Variants in SKA2 observed in about 807,000 individuals in gnomAD.
SKA2 encodes the protein spindle and kinetochore associated complex subunit 2.
In SKA2, 13 loss-of-function variants were observed where a neutral mutation model predicts 16.9. That is an observed-to-expected ratio of 0.77 (90% confidence interval 0.50 to 1.22). The LOEUF (loss-of-function observed/expected upper bound fraction) is 1.22. SKA2 is among the 50% of genes most tolerant of loss of function. The pLI is 0.00. For synonymous variants in SKA2, 47 were observed against 48.5 expected (o/e 0.97, Z 0.13); for missense variants, 107 against 139.7 (o/e 0.77, Z 1.18).
chr17:59,142,287 G>C (rs2046496274), intron 1 of SKA2, among the ~76,000 whole-genome samples: 1 of 149,742 alleles, frequency 6.7e-6, no homozygotes, highest in East Asian at 2.0e-4. Flanking sequence ...TTTATATATG[G>C]TGGGTTTTTT....
At chr17:59,123,739 T>C (rs1026779618) in intron 2 of SKA2, among the ~76,000 whole-genome samples, 2 of 152,114 alleles carry the variant, frequency 1.3e-5, no homozygotes, top group Admixed American at 6.6e-5. Flanking sequence ...TTATTAATGA[T>C]AACAGCTAAT....
At chr17:59,124,610 G>T (rs1380407379) in intron 2 of SKA2, among the ~76,000 whole-genome samples, 1 of 152,130 alleles carries the variant, frequency 6.6e-6, no homozygotes, top group Non-Finnish European at 1.5e-5. Context: ...TCAGGAGAAT[G>T]ATGAGTTCCC....
At chr17:59,125,479 T>A (rs1266762201) in intron 2 of SKA2, among the ~76,000 whole-genome samples, 1 of 150,050 alleles carries the variant, frequency 6.7e-6, no homozygotes, top group Non-Finnish European at 1.5e-5. Context: ...GACTGGTGGA[T>A]CACCTGAGGT....
chr17:59,133,360 C>T (rs9911583), intron 1 of SKA2, among the ~76,000 whole-genome samples: 64,791 of 151,980 alleles, frequency 0.43, 16,069 homozygotes, highest in African/African-American at 0.7. Context: ...TATATTGCCT[C>T]GAGTTTATCA....
intron 2 of SKA2, among the ~76,000 whole-genome samples, chr17:59,128,671 G>C (rs2046388163): frequency 6.6e-6 from 1 of 151,496 alleles, no homozygotes; most frequent in African/African-American, 2.4e-5. Flanking sequence ...AGTTAGACAT[G>C]AAAGGTCATA....
intron 2 of SKA2, among the ~76,000 whole-genome samples, chr17:59,121,107 G>A (rs1355399629): frequency 1.7e-4 from 25 of 149,356 alleles, no homozygotes; most frequent in Admixed American, 1.5e-3. Flanking sequence ...AGCCGAGATC[G>A]TGCCACTGCA....
intron 2 of SKA2, among the ~76,000 whole-genome samples, chr17:59,121,793 CAAAAAAA>C (rs758240217): frequency 7.0e-4 from 57 of 81,150 alleles, no homozygotes; most frequent in Non-Finnish European, 9.2e-4. Context: ...TACGAAAATA[CAAAAAAA>C]AAAAAAAAAA....
intron 1 of SKA2, among the ~76,000 whole-genome samples, chr17:59,143,859 A>G (rs2046511301): frequency 6.6e-6 from 1 of 152,174 alleles, no homozygotes; most frequent in Admixed American, 6.5e-5. Flanking sequence ...ATTTAAAATG[A>G]TTAAAAATGT....
chr17:59,136,564 G>A (rs1018911892), intron 1 of SKA2, among the ~76,000 whole-genome samples: 11 of 141,074 alleles, frequency 7.8e-5, no homozygotes, highest in Admixed American at 7.8e-4. Context: ...TTTTTTTTTT[G>A]TTTGAGACGG....
At chr17:59,119,283 G>A in intron 3 of SKA2, 36 bp downstream of exon 3, 1 of 1,606,046 alleles carries the variant, frequency 6.2e-7, no homozygotes, top group Non-Finnish European at 8.5e-7. Flanking sequence ...CAGAGCTAAA[G>A]CTAAACAAAT....
chr17:59,115,389 A>G (rs1425783927), intron 3 of SKA2, among the ~76,000 whole-genome samples: 1 of 152,042 alleles, frequency 6.6e-6, no homozygotes, highest in African/African-American at 2.4e-5. Flanking sequence ...ACATTACGTT[A>G]TGTAAATAGG....
rs938788960 is a variant in SKA2 at position 59,144,016 on chromosome 17, C to T, written c.33+11115G>A. Among the ~76,000 whole-genome samples, 5 of 151,888 alleles carry T rather than the reference C, an allele frequency of 3.3e-5. No individual in the cohort carries two copies. The East Asian group carries it at 7.8e-4, about 24-fold the overall frequency. On this transcript the variant is annotated intron_variant, in intron 1 of 3. Transcript: ENST00000330137. ...ACTAAAAATACAAAAATTAGCGAGG[C>T]GTGGCGTCATGCGCCTGTAGTCCCA...
rs141181570 is a variant in SKA2, at chr17:59,128,746, C to A, written c.120+2535G>T. 2.0e-5 allele frequency among the ~76,000 whole-genome samples: 3 copies of A among 151,974 alleles called. No individual in the cohort carries two copies. In the East Asian group the frequency reaches 5.8e-4, roughly 29 times the overall value. On this transcript the variant is annotated intron_variant, in intron 2 of 3. Coordinates refer to ENST00000330137, the MANE Select transcript of SKA2 (RefSeq NM_182620.4). ...AATCTGTGGAGACAGAAAGTAGATT[C>A]GTCTTTGGGAGCTTGCAGGATAGCA...
chr17:59,119,237 T>G (rs2046316259), intron 3 of SKA2, 82 bp downstream of exon 3: 1 of 1,475,076 alleles, frequency 6.8e-7, no homozygotes, highest in African/African-American at 1.4e-5. Flanking sequence ...GTTTCAAAAT[T>G]TAAGTTACAT....
chr17:59,155,128 C>A lies in SKA2; in HGVS notation c.33+3G>T. 6.2e-7 allele frequency: 1 copy of A among 1,614,060 alleles called. No individual in the cohort carries two copies. Among genetic ancestry groups the A allele is most frequent in the Non-Finnish European group, 8.5e-7 (1 of 1,179,898 alleles). Reference sequence around the variant, plus strand: ...CAGTAGATCTCCTTCACTTTGCACTCACCATCAGTTCCAGCTTATCGACCT... The same window carrying A: ...CAGTAGATCTCCTTCACTTTGCACTAACCATCAGTTCCAGCTTATCGACCT... On this transcript the variant is annotated splice_donor_region_variant and intron_variant, in intron 1 of 3. Coordinates refer to ENST00000330137, the MANE Select transcript of SKA2 (RefSeq NM_182620.4).
At chr17:59,147,001 T>G (rs537713051) in intron 1 of SKA2, among the ~76,000 whole-genome samples, 34 of 151,992 alleles carry the variant, frequency 2.2e-4, no homozygotes, top group Non-Finnish European at 2.9e-5. Context: ...CTTTTCTTTT[T>G]TTTTGGGGGG....
At chr17:59,118,857 T>G (rs1016747059) in intron 3 of SKA2, among the ~76,000 whole-genome samples, 1 of 152,192 alleles carries the variant, frequency 6.6e-6, no homozygotes, top group Non-Finnish European at 1.5e-5. Flanking sequence ...AAGCCCATAA[T>G]TCAAAGTATC....
chr17:59,127,393 T>C (rs1386227949), intron 2 of SKA2, among the ~76,000 whole-genome samples: 1 of 152,150 alleles, frequency 6.6e-6, no homozygotes. Context: ...CAATTTCTTT[T>C]CTTTTCTTTT....
intron 1 of SKA2, among the ~76,000 whole-genome samples, chr17:59,139,149 G>T (rs1425330958): frequency 6.6e-6 from 1 of 152,106 alleles, no homozygotes; most frequent in African/African-American, 2.4e-5. Flanking sequence ...TGTAATCCCA[G>T]CACTTTGGGA....
Sources: gnomAD v4.1 joint callset for allele counts (sites outside exome capture counted in the v4.1 genomes callset) on GRCh38, gnomAD v4.1.1 for gene constraint, MANE v1.5 for transcripts, NCBI Gene and HGNC (gene_info 2026-07-23, HGNC 2026-07-21) for gene names.